LATS2: variants seen among roughly 807,000 people sequenced by gnomAD.
LATS2 encodes large tumor suppressor kinase 2, also known as serine/threonine-protein kinase LATS2.
Under a neutral mutation model 76.0 loss-of-function variants are expected in LATS2, and 24 were observed. The ratio of observed to expected loss-of-function variants is 0.32; its 90% CI spans 0.23 to 0.44. The LOEUF is 0.44. Ranked by LOEUF, LATS2 falls within the 20% of genes least tolerant of loss-of-function variation. The probability of loss-of-function intolerance (pLI) is 1.00; values close to 1 mark genes in which losing one functional copy is unlikely to be tolerated. For missense variants in LATS2, 1,286 were observed against 1,481.2 expected (o/e 0.87, Z 2.16); for synonymous variants, 692 against 635.4 (o/e 1.09, Z -1.34).
At chr13:20,999,217 G>A (rs1460421331) in intron 2 of LATS2, among the ~76,000 whole-genome samples, 3 of 152,252 alleles carry the variant, frequency 2.0e-5, no homozygotes, top group African/African-American at 4.8e-5. Context: ...TTGCGCGGAT[G>A]CAGCAGAAGC....
In LATS2 at chr13:20,988,271, G is replaced by A. The variant is rs200359250; in HGVS notation, c.1509C>T (p.Asp503=). 3.1e-6 allele frequency: 5 copies of A among 1,595,476 alleles called. No homozygotes were observed. The African/African-American group carries it at 4.0e-5, about 13-fold the overall frequency. The change falls in exon 4 of 8, where the codon GAC becomes GAT. Residue 503 remains aspartate, a synonymous_variant. Transcript: ENST00000382592. ...TCCGGTCTGGGCCTCCGTACTCCAC[G>A]TCCAGCGGGAAGGCGCCTGCGCCGC... ...ALGGAGAFPL[D]VEYGGPDRRC...
At chr13:20,997,605 C>T (rs963635235) in intron 2 of LATS2, among the ~76,000 whole-genome samples, 5 of 152,326 alleles carry the variant, frequency 3.3e-5, no homozygotes, top group Non-Finnish European at 7.3e-5. Flanking sequence ...GGGAAGCTGG[C>T]CTCACCCAGC....
intron 6 of LATS2, among the ~76,000 whole-genome samples, chr13:20,981,001 T>C (rs892035852): frequency 1.3e-5 from 2 of 152,212 alleles, no homozygotes; most frequent in African/African-American, 2.4e-5. Context: ...CTTTTGCTTA[T>C]GGTCTAGCAG....
intron 4 of LATS2, among the ~76,000 whole-genome samples, chr13:20,986,849 G>T (rs141959381): frequency 6.7e-4 from 102 of 152,028 alleles, no homozygotes; most frequent in African/African-American, 2.3e-3. Flanking sequence ...TCCTATGCAT[G>T]TAACAAAATA....
chr13:20,974,941 C>A lies in LATS2; in HGVS notation c.3196G>T (p.Ala1066Ser), dbSNP rs776086204. The A allele has an allele frequency of 1.7e-5, 28 of 1,614,056 alleles. No individual in the cohort carries two copies. In the Admixed American group the frequency reaches 4.5e-4, roughly 26 times the overall value. Residue 1066 changes from alanine (A) to serine (S), a missense_variant, in exon 8 of 8, where the codon GCT (alanine) becomes TCT (serine). By Grantham distance (99) the Ala-to-Ser change is moderately conservative (BLOSUM62 1). Transcript: ENST00000382592. ...GAGCTTTCTAAATCTGAGCTCTCAGCCTGTGAAGCTTCTGCTCCTGAAGGC... is the reference window on the plus strand; with the variant it reads ...GAGCTTTCTAAATCTGAGCTCTCAGACTGTGAAGCTTCTGCTCCTGAAGGC... ...PKPSGAEASQAESSDLESSDL... is the reference protein window; with the variant it reads ...PKPSGAEASQSESSDLESSDL...
intron 2 of LATS2, among the ~76,000 whole-genome samples, chr13:21,044,689 G>GGTGTGTGTGTGTGTGTGT (rs71090554): frequency 9.4e-5 from 13 of 137,786 alleles, no homozygotes; most frequent in African/African-American, 3.0e-4. Context: ...GAGGTGTAGG[G>GGTGTGTGTGTGTGTGTGT]GTGTGTGTGT....
At chr13:21,040,259 C>A (rs924524984) in intron 2 of LATS2, among the ~76,000 whole-genome samples, 1 of 151,476 alleles carries the variant, frequency 6.6e-6, no homozygotes, top group Non-Finnish European at 1.5e-5. Context: ...TGGTGATGTG[C>A]GCCTGTGGTC....
intron 1 of LATS2, among the ~76,000 whole-genome samples, chr13:21,046,468 T>G (rs1270302195): frequency 6.6e-6 from 1 of 152,224 alleles, no homozygotes; most frequent in African/African-American, 2.4e-5. Context: ...TAAATTGCTA[T>G]AAATATTCAA....
intron 2 of LATS2, among the ~76,000 whole-genome samples, chr13:20,998,944 C>A (rs888038553): frequency 6.6e-6 from 1 of 150,616 alleles, no homozygotes; most frequent in Non-Finnish European, 1.5e-5. Flanking sequence ...CTTGCGCACA[C>A]GGCGCAAGGG....
At chr13:21,060,380 A>T in intron 1 of LATS2, among the ~76,000 whole-genome samples, 1 of 152,194 alleles carries the variant, frequency 6.6e-6, no homozygotes, top group East Asian at 1.9e-4. Context: ...AACCCCCCAC[A>T]CGTCGCTAAA....
At position 21,045,782 on chromosome 13, in the gene LATS2, T is replaced by C; in HGVS notation, c.245A>G (p.Tyr82Cys). 1 of 1,614,244 alleles carries C rather than the reference T, an allele frequency of 6.2e-7. No individual in the cohort carries two copies. Among genetic ancestry groups the C allele is most frequent in the Non-Finnish European group, 8.5e-7 (1 of 1,180,048 alleles). The part of the protein sequence containing the change: ...PYQKALREIR[Y>C]SLLPFANESG... The stretch of plus-strand genomic sequence containing the variant: ...TTCATTAGCAAAAGGCAACAAGGAA[T>C]ATCTGATTTCCCTCAAGGCTTTCTG... The change falls in exon 2 of 8, where the codon TAT (tyrosine) becomes TGT (cysteine). Residue 82 changes from tyrosine (Y) to cysteine (C), a missense_variant. Transcript: ENST00000382592.
At chr13:21,041,424 AGTTT>A (rs769989453) in intron 2 of LATS2, among the ~76,000 whole-genome samples, 1 of 152,084 alleles carries the variant, frequency 6.6e-6, no homozygotes, top group African/African-American at 2.4e-5. Context: ...TCAGTTTATC[AGTTT>A]GTTTGTTTAC....
Position 20,974,762 on chromosome 13 carries a change from A to T in LATS2, c.*108T>A. On this transcript the variant is annotated 3_prime_UTR_variant, in exon 8 of 8. Transcript: ENST00000382592. Reference sequence around the variant, plus strand: ...GAATTTCAAGTGAAGTAATCGACGGACTAATTTAAAACAAAACAGCCCTCG... The same window carrying T: ...GAATTTCAAGTGAAGTAATCGACGGTCTAATTTAAAACAAAACAGCCCTCG... 8.5e-7 allele frequency: 1 copy of T among 1,180,156 alleles called. No individual in the cohort carries two copies. Among genetic ancestry groups the T allele is most frequent in the Admixed American group, 2.4e-5 (1 of 41,142 alleles). The allele number at this position is 1,180,156 out of a possible 1,614,324, so 73.1% of individuals were successfully genotyped here. A position where few individuals can be genotyped will look rare whatever the true frequency, so the allele number is the denominator to read the frequency against.
chr13:21,051,258 T>C (rs1873265266), intron 1 of LATS2, among the ~76,000 whole-genome samples: 2 of 152,210 alleles, frequency 1.3e-5, no homozygotes, highest in South Asian at 4.1e-4. Context: ...AAGGTGACCC[T>C]GTTACTTGGT....
intron 2 of LATS2, among the ~76,000 whole-genome samples, chr13:21,042,656 C>CA (rs1231613734): frequency 6.6e-6 from 1 of 152,070 alleles, no homozygotes; most frequent in African/African-American, 2.4e-5. Flanking sequence ...CACCACACTC[C>CA]AGACTGTACA....
chr13:20,977,347 C>T (rs894634905), intron 7 of LATS2, among the ~76,000 whole-genome samples: 3 of 149,810 alleles, frequency 2.0e-5, no homozygotes, highest in Non-Finnish European at 2.9e-5. Flanking sequence ...GATTGTGCCA[C>T]TGCACTGCAG....
At chr13:21,019,059 T>A (rs1270156849) in intron 2 of LATS2, among the ~76,000 whole-genome samples, 2 of 152,098 alleles carry the variant, frequency 1.3e-5, no homozygotes, top group East Asian at 3.9e-4. Flanking sequence ...ACATCCTAAG[T>A]TTGAATCCTG....
At chr13:21,052,101 T>C (rs947366738) in intron 1 of LATS2, among the ~76,000 whole-genome samples, 3 of 152,200 alleles carry the variant, frequency 2.0e-5, no homozygotes, top group Admixed American at 2.0e-4. Flanking sequence ...TTCAAGCTCC[T>C]GCACGGTACC....
Position 20,988,013 on chromosome 13 carries a change from C to CT in LATS2, c.1766dup (p.Arg590GlufsTer14). On this transcript the variant is annotated frameshift_variant, in exon 4 of 8. Coordinates refer to ENST00000382592, the MANE Select transcript of LATS2 (RefSeq NM_014572.3). LOFTEE classifies it high-confidence loss of function. ...AGTAGCTCTTGATGCGTGACTCTCT[C>CT]TTCTCTTCGTCTCTGCTGTTTTTGC... 1 of 1,614,272 alleles carries CT rather than the reference C, an allele frequency of 6.2e-7. No individual in the cohort carries two copies. The highest frequency in any genetic ancestry group is 2.2e-5 in the East Asian group (1 of 44,890).
Sources: gnomAD v4.1 joint callset for allele counts (sites outside exome capture counted in the v4.1 genomes callset) on GRCh38, gnomAD v4.1.1 for gene constraint, MANE v1.5 for transcripts, NCBI Gene and HGNC (gene_info 2026-07-23, HGNC 2026-07-21) for gene names.